L3MBTL4: variants seen among roughly 807,000 people sequenced by gnomAD.
The protein encoded by L3MBTL4 is L3MBTL histone methyl-lysine binding protein 4.
In L3MBTL4, 70 loss-of-function variants were observed where a neutral mutation model predicts 84.5. The observed-to-expected ratio is 0.83, with a 90% CI of 0.68 to 1.01. The LOEUF is 1.01. L3MBTL4 is among the 50% of genes least tolerant of loss of function. The pLI is 0.00. For missense variants in L3MBTL4, 715 were observed against 754.8 expected (o/e 0.95, Z 0.62); for synonymous variants, 274 against 259.8 (o/e 1.05, Z -0.52).
At chr18:5,969,586 G>T (rs1567929564) in intron 16 of L3MBTL4, 24 bp from the exon 17 acceptor site, 4 of 1,570,816 alleles carry the variant, frequency 2.5e-6, no homozygotes, top group Non-Finnish European at 3.5e-6. Flanking sequence ...GGGGTGGGGT[G>T]AGGCTCAGGC....
chr18:6,156,460 C>A (rs1030364800), intron 13 of L3MBTL4, among the ~76,000 whole-genome samples: 1 of 148,386 alleles, frequency 6.7e-6, no homozygotes, highest in Non-Finnish European at 1.5e-5. Context: ...CTCAAGGTTT[C>A]CATTAACCAG....
At position 6,093,356 on chromosome 18, in the gene L3MBTL4, T is replaced by C; in HGVS notation, c.1372A>G (p.Arg458Gly). The change falls in exon 15 of 19, where the codon AGA (arginine) becomes GGA (glycine). Residue 458 changes from arginine (R) to glycine (G), a missense_variant and splice_region_variant. Coordinates refer to ENST00000317931, the MANE Select transcript of L3MBTL4 (RefSeq NM_001330559.2). ...TCACATTTTTAAGAAGTTTCTTACC[T>C]GGGCTGACTGTTCACCTTTTCATGT... The part of the protein sequence containing the change: ...GKHEKVNSQP[R>G]LVQQAKCLKI... The C allele has an allele frequency of 6.2e-7, 1 of 1,601,936 alleles. No homozygotes were observed. Among genetic ancestry groups the C allele is most frequent in the Non-Finnish European group, 8.5e-7 (1 of 1,176,694 alleles).
intron 14 of L3MBTL4, among the ~76,000 whole-genome samples, chr18:6,124,467 A>G (rs2059625131): frequency 6.7e-6 from 1 of 149,066 alleles, no homozygotes; most frequent in Non-Finnish European, 1.5e-5. Flanking sequence ...TTATATATAC[A>G]ATTATATATA....
chr18:6,187,347 C>T (rs1041788689), intron 12 of L3MBTL4, among the ~76,000 whole-genome samples: 17 of 152,044 alleles, frequency 1.1e-4, no homozygotes, highest in Non-Finnish European at 2.1e-4. Context: ...TCTAACATTA[C>T]TCGAATTCCA....
At chr18:5,984,814 A>G (rs1380321057) in intron 16 of L3MBTL4, among the ~76,000 whole-genome samples, 2 of 152,216 alleles carry the variant, frequency 1.3e-5, no homozygotes, top group Non-Finnish European at 2.9e-5. Flanking sequence ...ATCATAGCTA[A>G]TGATCTACGT....
At chr18:6,155,908 G>T (rs979416355) in intron 13 of L3MBTL4, among the ~76,000 whole-genome samples, 1 of 151,994 alleles carries the variant, frequency 6.6e-6, no homozygotes, top group Non-Finnish European at 1.5e-5. Context: ...TTCATTCCTA[G>T]GAGTCATTTA....
At chr18:6,323,863 T>C (rs904913012) in intron 1 of L3MBTL4, among the ~76,000 whole-genome samples, 3 of 152,212 alleles carry the variant, frequency 2.0e-5, no homozygotes, top group African/African-American at 4.8e-5. Flanking sequence ...CAGATCCTAA[T>C]AGCTAAGACA....
intron 1 of L3MBTL4, among the ~76,000 whole-genome samples, chr18:6,373,286 G>C (rs1342771205): frequency 6.6e-6 from 1 of 152,182 alleles, no homozygotes; most frequent in East Asian, 1.9e-4. Context: ...AAACAAAGTA[G>C]TCTTTTATCA....
intron 12 of L3MBTL4, among the ~76,000 whole-genome samples, chr18:6,192,878 C>A (rs1157858793): frequency 6.6e-6 from 1 of 151,732 alleles, no homozygotes; most frequent in African/African-American, 2.4e-5. Context: ...AAGGTTTATG[C>A]AATGATCCAA....
chr18:6,027,966 T>C (rs184190792), intron 16 of L3MBTL4, among the ~76,000 whole-genome samples: 1 of 152,178 alleles, frequency 6.6e-6, no homozygotes, highest in African/African-American at 2.4e-5. Flanking sequence ...TTTGCAAAAA[T>C]TTTCTCCCAT....
chr18:6,169,636 A>C (rs2043862551), intron 13 of L3MBTL4, among the ~76,000 whole-genome samples: 1 of 141,296 alleles, frequency 7.1e-6, no homozygotes. Flanking sequence ...CAATGAGAAC[A>C]CATGGACACA....
At chr18:5,983,503 T>TA (rs138584905) in intron 16 of L3MBTL4, among the ~76,000 whole-genome samples, 3,596 of 148,726 alleles carry the variant, frequency 0.024, 149 homozygotes, top group African/African-American at 0.083. Context: ...GGGTGGGGAT[T>TA]AAAAAAAAAA....
chr18:6,017,587 C>T (rs932197907), intron 16 of L3MBTL4: 1 of 152,166 alleles, frequency 6.6e-6, no homozygotes, highest in Non-Finnish European at 1.5e-5. Context: ...GACGACTGCC[C>T]GTTAAATGAG....
chr18:6,051,356 T>C (rs775254275), intron 16 of L3MBTL4, among the ~76,000 whole-genome samples: 10 of 152,090 alleles, frequency 6.6e-5, no homozygotes, highest in Non-Finnish European at 1.2e-4. Context: ...CTGGCCAACA[T>C]GGTGAAACCC....
At chr18:6,386,974 G>C (rs1301117140) in intron 1 of L3MBTL4, among the ~76,000 whole-genome samples, 1 of 152,242 alleles carries the variant, frequency 6.6e-6, no homozygotes, top group Non-Finnish European at 1.5e-5. Context: ...CCAGGTGAGA[G>C]AGGATGGTGG....
At chr18:6,119,403 G>C (rs1255294409) in intron 14 of L3MBTL4, among the ~76,000 whole-genome samples, 4 of 152,236 alleles carry the variant, frequency 2.6e-5, no homozygotes, top group East Asian at 3.9e-4. Flanking sequence ...ACATCAGTTT[G>C]CTGCTTAACA....
chr18:6,119,476 A>T (rs1290720673), intron 14 of L3MBTL4, among the ~76,000 whole-genome samples: 1 of 152,082 alleles, frequency 6.6e-6, no homozygotes, highest in African/African-American at 2.4e-5. Flanking sequence ...GCAGCAAAGA[A>T]TTCTTAGATA....
Position 5,969,451 on chromosome 18 carries a change from A to T in L3MBTL4, c.1556T>A (p.Leu519Ter), listed in dbSNP as rs1358174306. ...LPLGREQHCKLLPGVADIRAS... is the reference protein window; with the variant it reads ...LPLGREQHCK ...CCGGATGTCAGCCACGCCTGGAAGCAACTTGCAGTGTTGCTCCCTGCCGAG... is the reference window on the plus strand; with the variant it reads ...CCGGATGTCAGCCACGCCTGGAAGCTACTTGCAGTGTTGCTCCCTGCCGAG... Residue 519 changes from leucine to a stop codon, truncating the protein, a stop_gained, in exon 17 of 19, where the codon TTG becomes TAG. Coordinates refer to ENST00000317931, the MANE Select transcript of L3MBTL4 (RefSeq NM_001330559.2). LOFTEE classifies it high-confidence loss of function. The T allele has an allele frequency of 6.2e-7, 1 of 1,613,988 alleles. No homozygotes were observed.
At chr18:6,211,006 T>C (rs909609220) in intron 12 of L3MBTL4, among the ~76,000 whole-genome samples, 1 of 152,182 alleles carries the variant, frequency 6.6e-6, no homozygotes, top group Admixed American at 6.5e-5. Context: ...CATGACCTCA[T>C]TGAATTTTCA....
Sources: gnomAD v4.1 joint callset for allele counts (sites outside exome capture counted in the v4.1 genomes callset) on GRCh38, gnomAD v4.1.1 for gene constraint, MANE v1.5 for transcripts, NCBI Gene and HGNC (gene_info 2026-07-23, HGNC 2026-07-21) for gene names.